Variants in TG observed in about 807,000 individuals in gnomAD.
The protein encoded by TG is thyroid hormones.
Under a neutral mutation model 324.7 loss-of-function variants are expected in TG, and 270 were observed. That is an observed-to-expected ratio of 0.83 (90% CI 0.75 to 0.92). The LOEUF is 0.92. TG is among the 40% of genes least tolerant of loss of function. The probability of loss-of-function intolerance (pLI) is 0.00; values close to 1 mark genes in which losing one functional copy is unlikely to be tolerated. For synonymous variants in TG, 1,401 were observed against 1,327.0 expected (o/e 1.06, Z -1.21); for missense variants, 3,591 against 3,456.4 (o/e 1.04, Z -0.98).
At chr8:133,131,102 T>A (rs1851915064) in intron 45 of TG, among the ~76,000 whole-genome samples, 3 of 152,218 alleles carry the variant, frequency 2.0e-5, no homozygotes. Flanking sequence ...CCCGATTTTT[T>A]ACTATGCAGT....
intron 35 of TG, chr8:132,995,174 G>A: frequency 1.0e-6 from 1 of 960,446 alleles, no homozygotes. Flanking sequence ...ATAACCTAGG[G>A]AAAGTCACTG....
At chr8:133,003,886 T>C (rs1286721185) in intron 35 of TG, among the ~76,000 whole-genome samples, 2 of 152,232 alleles carry the variant, frequency 1.3e-5, no homozygotes, top group Non-Finnish European at 2.9e-5. Context: ...TGCCTGCCTT[T>C]CAGCTGTTTG....
rs1848404982 is a variant in TG at position 133,096,312 on chromosome 8, T to A, written c.7511T>A (p.Val2504Asp). Residue 2504 changes from valine to aspartate, a missense_variant, in exon 43 of 48, where the codon GTC (valine) becomes GAC (aspartate). Transcript: ENST00000220616. ...RALKRSLWVE[V>D]DLLIGSSQDD... ...CTGAAGAGGTCTTTATGGGTAGAGG[T>A]CGATCTGCTCATTGGGAGTTCTCAG... is the stretch of plus-strand genomic sequence containing the variant. 4 of 1,613,990 alleles carry A rather than the reference T, an allele frequency of 2.5e-6. No individual in the cohort carries two copies. The highest frequency in any genetic ancestry group is 3.4e-6 in the Non-Finnish European group (4 of 1,179,982).
At chr8:132,945,773 G>A (rs966985116) in intron 26 of TG, among the ~76,000 whole-genome samples, 3 of 152,146 alleles carry the variant, frequency 2.0e-5, no homozygotes, top group Admixed American at 6.5e-5. Context: ...GTGGATCCTC[G>A]CGAAAGCTAG....
chr8:133,113,312 C>A, intron 43 of TG, 110 bp from the exon 44 acceptor site: 1 of 1,251,260 alleles, frequency 8.0e-7, no homozygotes, highest in South Asian at 1.2e-5. Flanking sequence ...TGTTTAATGC[C>A]ATGCCCCACT....
At chr8:132,892,598 G>A (rs938377940) in intron 10 of TG, among the ~76,000 whole-genome samples, 10 of 152,192 alleles carry the variant, frequency 6.6e-5, no homozygotes, top group Non-Finnish European at 1.5e-4. Flanking sequence ...GGAAAGAGCT[G>A]CTGCGAAGAA....
chr8:133,051,075 G>A (rs886580069), intron 41 of TG, among the ~76,000 whole-genome samples: 12 of 152,214 alleles, frequency 7.9e-5, no homozygotes, highest in African/African-American at 2.4e-4. Flanking sequence ...TCTCTTCAGA[G>A]ATGGCTCTGC....
In TG at chr8:132,867,049, G is replaced by A; in HGVS notation, c.49G>A (p.Val17Met). 6.2e-7 allele frequency: 1 copy of A among 1,600,864 alleles called. No individual in the cohort carries two copies. The highest frequency in any genetic ancestry group is 8.5e-7 in the Non-Finnish European group (1 of 1,172,678). Residue 17 changes from valine to methionine, a missense_variant, in exon 1 of 48, where the codon GTG (valine) becomes ATG (methionine). Coordinates refer to ENST00000220616, the MANE Select transcript of TG (RefSeq NM_003235.5). ...CACCCTGCTGGCCTCCATCTGCTGG[G>A]TGTCGGCCAATATCTTCGGTAAGTT... Reference protein sequence around the residue: ...IFTLLASICWVSANIFEYQVD... With the variant: ...IFTLLASICWMSANIFEYQVD...
At position 132,972,654 on chromosome 8, in the gene TG, G is replaced by A; in HGVS notation, c.6112G>A (p.Glu2038Lys). 4.3e-6 allele frequency: 7 copies of A among 1,613,726 alleles called. No individual in the cohort carries two copies. The highest frequency in any genetic ancestry group is 5.9e-6 in the Non-Finnish European group (7 of 1,179,954). ...CTTGGGAATTCAGATGTGCAGTGAGGAGAATGGAGGAGCCTGGCGCATTTT... is the reference window on the plus strand; with the variant it reads ...CTTGGGAATTCAGATGTGCAGTGAGAAGAATGGAGGAGCCTGGCGCATTTT... ...NSLGIQMCSEENGGAWRILDC... is the reference protein window; with the variant it reads ...NSLGIQMCSEKNGGAWRILDC... Residue 2038 changes from glutamate (E) to lysine (K), a missense_variant, in exon 34 of 48, where the codon GAG becomes AAG. Transcript: ENST00000220616.
At chr8:133,127,210 C>T (rs757180302) in intron 45 of TG, among the ~76,000 whole-genome samples, 1 of 152,222 alleles carries the variant, frequency 6.6e-6, no homozygotes. Context: ...CATCCACTGC[C>T]AGGTGCATCT....
At position 133,121,358 on chromosome 8, in the gene TG, C is replaced by T. The variant is rs115726442; in HGVS notation, c.7862+4642C>T. Among the ~76,000 whole-genome samples the T allele has an allele frequency of 1.6e-3, 249 of 152,264 alleles. 3 individuals carry two copies. The highest frequency in any genetic ancestry group is 5.7e-3 in the African/African-American group (238 of 41,540). On this transcript the variant is annotated intron_variant, in intron 45 of 47. Transcript: ENST00000220616. ...GAGGGGGCAGGTCTGAGCCTCCCAGCCCCTTTCTCCCTATGTCACAGACTG... is the reference window on the plus strand; with the variant it reads ...GAGGGGGCAGGTCTGAGCCTCCCAGTCCCTTTCTCCCTATGTCACAGACTG...
At chr8:132,929,466 C>T (rs1822372550) in intron 23 of TG, among the ~76,000 whole-genome samples, 1 of 152,140 alleles carries the variant, frequency 6.6e-6, no homozygotes, top group South Asian at 2.1e-4. Flanking sequence ...GTGTCCAGGT[C>T]AGGATCTATA....
rs1839139961 is a variant in TG at position 132,868,097 on chromosome 8, C to T, written c.68-18C>T. 1.2e-6 allele frequency: 2 copies of T among 1,612,076 alleles called. No individual in the cohort carries two copies. Among genetic ancestry groups the T allele is most frequent in the South Asian group, 2.2e-5 (2 of 91,042 alleles). On this transcript the variant is annotated intron_variant, in intron 1 of 47. Transcript: ENST00000220616. ...CCAGTCCACACTCTTCTTTGATGAA[C>T]CACTTTTCTTTTCCTAGAGTACCAG...
Position 133,096,249 on chromosome 8 carries a change from T to C in TG, c.7448T>C (p.Ile2483Thr). The C allele has an allele frequency of 6.2e-7, 1 of 1,614,246 alleles. No individual in the cohort carries two copies. Among genetic ancestry groups the C allele is most frequent in the African/African-American group, 1.3e-5 (1 of 75,064 alleles). Reference sequence around the variant, plus strand: ...CCTTTCCACTACTGGGGTCCTGTGATCGATGGCCACTTCCTCCGTGAGCCT... The same window carrying C: ...CCTTTCCACTACTGGGGTCCTGTGACCGATGGCCACTTCCTCCGTGAGCCT... ...SGPFHYWGPV[I>T]DGHFLREPPA... The change falls in exon 43 of 48, where the codon ATC becomes ACC. Residue 2483 changes from isoleucine (I) to threonine (T), a missense_variant. By Grantham distance (89) the Ile-to-Thr change is moderately conservative (BLOSUM62 -1). Coordinates refer to ENST00000220616, the MANE Select transcript of TG (RefSeq NM_003235.5).
chr8:133,055,363 G>GCACACACACACA (rs1219639810), intron 41 of TG, among the ~76,000 whole-genome samples: 3 of 31,984 alleles, frequency 9.4e-5, no homozygotes, highest in Non-Finnish European at 1.2e-4. Context: ...ACACGCACGC[G>GCACACACACACA]CGCACACACA....
intron 46 of TG, among the ~76,000 whole-genome samples, chr8:133,132,147 A>G (rs959978300): frequency 1.3e-5 from 2 of 152,220 alleles, no homozygotes; most frequent in African/African-American, 2.4e-5. Context: ...TTCATGAAGA[A>G]AAGCTCTAAT....
chr8:132,936,957 C>T (rs1477664255), intron 25 of TG, among the ~76,000 whole-genome samples: 2 of 152,222 alleles, frequency 1.3e-5, no homozygotes, highest in African/African-American at 4.8e-5. Context: ...TTGACATTCT[C>T]AGCTTCAGTT....
intron 41 of TG, among the ~76,000 whole-genome samples, chr8:133,071,319 G>A (rs1052358416): frequency 2.6e-5 from 4 of 152,228 alleles, no homozygotes; most frequent in Non-Finnish European, 5.9e-5. Flanking sequence ...AGTTTGCCCA[G>A]CTGGAAAGTG....
chr8:133,044,969 T>C (rs745411115), intron 41 of TG: 5 of 1,613,804 alleles, frequency 3.1e-6, no homozygotes, highest in East Asian at 2.2e-5. Context: ...TCACTCCATA[T>C]TGTATGTCTC....
Sources: gnomAD v4.1 joint callset for allele counts (sites outside exome capture counted in the v4.1 genomes callset) on GRCh38, gnomAD v4.1.1 for gene constraint, MANE v1.5 for transcripts, NCBI Gene and HGNC (gene_info 2026-07-23, HGNC 2026-07-21) for gene names.